Variants in UBE2L3 observed in about 807,000 individuals in gnomAD.
UBE2L3 encodes the protein ubiquitin conjugating enzyme E2 L3, also known as ubiquitin-conjugating enzyme E2 L3.
Under a neutral mutation model 17.8 loss-of-function variants are expected in UBE2L3, and 1 was observed. The observed-to-expected ratio is 0.06, with a 90% CI of 0.02 to 0.27. The LOEUF (loss-of-function observed/expected upper bound fraction) is 0.27. Among genes scored for constraint, UBE2L3 ranks in the 10% least tolerant of loss-of-function variants. The pLI, the probability that UBE2L3 is intolerant of heterozygous loss-of-function variation, is 1.00. For missense variants in UBE2L3, 40 were observed against 192.6 expected, an observed-to-expected ratio of 0.21 and a Z score of 4.69; for synonymous variants, 44 against 68.5, an observed-to-expected ratio of 0.64 and a Z score of 1.76.
chr22:21,560,859 G>C (rs1187541460), intron 1 of UBE2L3, among the ~76,000 whole-genome samples: 1 of 152,236 alleles, frequency 6.6e-6, no homozygotes, highest in Non-Finnish European at 1.5e-5. Flanking sequence ...TTTGGCCATA[G>C]CTCTAGGTCA....
At chr22:21,616,350 G>T (rs1164901527) in intron 3 of UBE2L3, among the ~76,000 whole-genome samples, 7 of 152,018 alleles carry the variant, frequency 4.6e-5, no homozygotes, top group Admixed American at 3.3e-4. Context: ...TTTTCTTTTT[G>T]GGGGATGAAA....
chr22:21,616,751 C>CT (rs201927646), intron 3 of UBE2L3, among the ~76,000 whole-genome samples: 4,578 of 151,674 alleles, frequency 0.03, 226 homozygotes, highest in African/African-American at 0.11. Flanking sequence ...ACACCCCCCC[C>CT]CTTTTTTTAA....
intron 3 of UBE2L3, chr22:21,614,659 C>G: frequency 7.3e-7 from 1 of 1,362,396 alleles, no homozygotes; most frequent in Admixed American, 1.9e-5. Flanking sequence ...CCCACAAGTA[C>G]AGAAAAGTAA....
At chr22:21,566,161 C>T (rs1337273420), upstream of UBE2L3, among the ~76,000 whole-genome samples, 6 of 151,818 alleles carry the variant, frequency 4.0e-5, no homozygotes, top group African/African-American at 9.7e-5. Flanking sequence ...TTAGTAGAGA[C>T]GGAGTTTCAC....
chr22:21,568,990 G>A (rs745869044), intron 1 of UBE2L3, among the ~76,000 whole-genome samples: 1 of 152,204 alleles, frequency 6.6e-6, no homozygotes, highest in African/African-American at 2.4e-5. Context: ...CATCTCTTAA[G>A]CTAGTGACAC....
intron 2 of UBE2L3, among the ~76,000 whole-genome samples, chr22:21,605,232 C>CT (rs1194917250): frequency 4.0e-4 from 61 of 152,276 alleles, no homozygotes; most frequent in African/African-American, 1.4e-3. Context: ...CTTGCTCTAT[C>CT]GCCTAGGCAG....
At chr22:21,580,617 G>A (rs2148410025) in intron 1 of UBE2L3, among the ~76,000 whole-genome samples, 1 of 149,116 alleles carries the variant, frequency 6.7e-6, no homozygotes, top group African/African-American at 2.5e-5. Flanking sequence ...GCCTGGCTAA[G>A]TTTTTTGTAT....
Position 21,582,757 on chromosome 22 carries a change from C to T in UBE2L3, c.28-10104C>T, listed in dbSNP as rs184467538. Among the ~76,000 whole-genome samples the T allele has an allele frequency of 3.3e-5, 5 of 152,262 alleles. No individual in the cohort carries two copies. The East Asian group carries it at 9.7e-4, about 29-fold the overall frequency. On this transcript the variant is annotated intron_variant, in intron 1 of 3. Transcript: ENST00000342192. ...GCCAGGCTGCTGTTGAACTCCTGAC[C>T]TCAGGTTCCACCTGCCTCAGCCTCC...
intron 3 of UBE2L3, among the ~76,000 whole-genome samples, chr22:21,618,488 C>T (rs1007365923): frequency 5.3e-5 from 8 of 151,838 alleles, no homozygotes; most frequent in Admixed American, 6.6e-5. Flanking sequence ...TGGCATGAGC[C>T]TGGGAGGCGG....
intron 1 of UBE2L3, among the ~76,000 whole-genome samples, chr22:21,577,311 G>T (rs377555347): frequency 6.6e-6 from 1 of 151,906 alleles, no homozygotes; most frequent in Non-Finnish European, 1.5e-5. Context: ...CATGGTGTTG[G>T]CCAGGCTGGT....
upstream of UBE2L3, chr22:21,567,611 A>AAGCACACAGTAGGT (rs1926695638): frequency 1.3e-6 from 2 of 1,520,352 alleles, no homozygotes; most frequent in Non-Finnish European, 8.8e-7. Flanking sequence ...GCACAGTGGG[A>AAGCACACAGTAGGT]AGCACACAGT....
At chr22:21,568,177 A>T in intron 1 of UBE2L3, 1 of 1,000,264 alleles carries the variant, frequency 1.0e-6, no homozygotes, top group Non-Finnish European at 1.2e-6. Flanking sequence ...CGCGCCGCGG[A>T]ACCGCCCCGC....
At chr22:21,610,487 C>T (rs1188785332) in intron 2 of UBE2L3, among the ~76,000 whole-genome samples, 2 of 152,144 alleles carry the variant, frequency 1.3e-5, no homozygotes, top group African/African-American at 4.8e-5. Flanking sequence ...AACAAATTTG[C>T]CCCTCTGGTG....
intron 2 of UBE2L3, among the ~76,000 whole-genome samples, chr22:21,606,396 T>G (rs1256216835): frequency 6.6e-6 from 1 of 152,132 alleles, no homozygotes; most frequent in Non-Finnish European, 1.5e-5. Context: ...CTTGGCTCAC[T>G]GCAACCTCTG....
intron 1 of UBE2L3, among the ~76,000 whole-genome samples, chr22:21,581,288 C>T (rs1205563265): frequency 1.3e-5 from 2 of 151,588 alleles, no homozygotes; most frequent in African/African-American, 4.9e-5. Flanking sequence ...AACCCCTGGG[C>T]TCAAGCAGTC....
chr22:21,579,036 G>A (rs1481461084), intron 1 of UBE2L3, among the ~76,000 whole-genome samples: 1 of 151,748 alleles, frequency 6.6e-6, no homozygotes, highest in African/African-American at 2.4e-5. Flanking sequence ...TGTCACCCAG[G>A]CTGGAGTGCA....
intron 1 of UBE2L3, among the ~76,000 whole-genome samples, chr22:21,575,258 C>CAAA (rs999280735): frequency 1.9e-5 from 1 of 52,720 alleles, no homozygotes. Context: ...GACTCCATCT[C>CAAA]AAAAAAAAAA....
At chr22:21,606,612 C>T (rs376204502) in intron 2 of UBE2L3, among the ~76,000 whole-genome samples, 1 of 152,276 alleles carries the variant, frequency 6.6e-6, no homozygotes, top group South Asian at 2.1e-4. Context: ...CCCAGCACTC[C>T]AGCACTTTGG....
chr22:21,567,870 T>A, intron 1 of UBE2L3, 99 bp downstream of exon 1: 1 of 1,546,752 alleles, frequency 6.5e-7, no homozygotes, highest in Non-Finnish European at 8.7e-7. Flanking sequence ...GCCGTCTGGC[T>A]TCCTGCCCTA....
Sources: allele counts gnomAD v4.1 joint callset (sites outside exome capture counted in the v4.1 genomes callset), GRCh38; gene constraint gnomAD v4.1.1; transcripts MANE v1.5; gene names NCBI Gene and HGNC (gene_info 2026-07-23, HGNC 2026-07-21).